Variants in FRMD4A observed in about 807,000 individuals in gnomAD.
The protein encoded by FRMD4A is FERM domain-containing protein 4A.
In FRMD4A, 29 loss-of-function variants were observed where a neutral mutation model predicts 129.1. The observed-to-expected ratio is 0.22, with a 90% CI of 0.17 to 0.31. The LOEUF (loss-of-function observed/expected upper bound fraction) is 0.31, where lower values mean the gene tolerates loss of function less well. Ranked by LOEUF, FRMD4A falls within the 10% of genes least tolerant of loss-of-function variation. The pLI is 1.00. For synonymous variants in FRMD4A, 634 were observed against 571.6 expected (o/e 1.11, Z -1.56); for missense variants, 1,272 against 1,375.8 (o/e 0.92, Z 1.19).
At chr10:14,128,088 CTTTCTTTCTTTCTTTCT>C (rs1439404620) in intron 2 of FRMD4A, among the ~76,000 whole-genome samples, 7 of 89,914 alleles carry the variant, frequency 7.8e-5, no homozygotes, top group East Asian at 3.4e-4. Context: ...TTCTTTCTTT[CTTTCTTTCTTTCTTTCT>C]TTTCTTTTCT....
intron 2 of FRMD4A, among the ~76,000 whole-genome samples, chr10:14,205,427 T>C (rs935554218): frequency 6.6e-6 from 1 of 152,172 alleles, no homozygotes. Flanking sequence ...GCTGATAGGA[T>C]GCCTAACCAG....
intron 2 of FRMD4A, among the ~76,000 whole-genome samples, chr10:13,994,175 A>ATTTTTTT (rs549621959): frequency 2.0e-5 from 2 of 101,974 alleles, no homozygotes; most frequent in Non-Finnish European, 3.8e-5. Flanking sequence ...CGCCCAGCTA[A>ATTTTTTT]TTTTTTTTTT....
chr10:13,829,806 A>G (rs1041226038), intron 3 of FRMD4A, among the ~76,000 whole-genome samples: 1 of 152,196 alleles, frequency 6.6e-6, no homozygotes, highest in Non-Finnish European at 1.5e-5. Flanking sequence ...GAGCCAGGAG[A>G]AAGGCATGGA....
chr10:14,307,929 A>G (rs1317307680), intron 2 of FRMD4A, among the ~76,000 whole-genome samples: 2 of 152,130 alleles, frequency 1.3e-5, no homozygotes, highest in East Asian at 3.9e-4. Flanking sequence ...CTACCTTCTC[A>G]TTCTTTTCCT....
intron 12 of FRMD4A, chr10:13,710,510 C>A (rs60697529): frequency 3.3e-5 from 5 of 152,480 alleles, no homozygotes; most frequent in Middle Eastern, 3.4e-3. Context: ...CCCTTGGCTG[C>A]GAACCATGGA....
At chr10:14,231,814 A>T (rs1843649982) in intron 2 of FRMD4A, among the ~76,000 whole-genome samples, 1 of 152,142 alleles carries the variant, frequency 6.6e-6, no homozygotes, top group Admixed American at 6.5e-5. Context: ...CATTTCTTAT[A>T]GATGCTCGAT....
intron 3 of FRMD4A, among the ~76,000 whole-genome samples, chr10:13,843,751 G>C (rs2094004169): frequency 1.3e-5 from 2 of 152,144 alleles, no homozygotes; most frequent in African/African-American, 4.8e-5. Flanking sequence ...ACCTGTCTCA[G>C]CCTCCCAAAG....
chr10:14,125,040 T>C (rs1208235211), intron 2 of FRMD4A, among the ~76,000 whole-genome samples: 1 of 152,188 alleles, frequency 6.6e-6, no homozygotes, highest in Non-Finnish European at 1.5e-5. Flanking sequence ...GTTTTCTAGC[T>C]TCCCCTTTAC....
intron 3 of FRMD4A, among the ~76,000 whole-genome samples, chr10:13,822,446 T>C (rs2093643549): frequency 6.6e-6 from 1 of 152,210 alleles, no homozygotes; most frequent in African/African-American, 2.4e-5. Context: ...GGGATCACAT[T>C]TGATCGACAT....
intron 2 of FRMD4A, among the ~76,000 whole-genome samples, chr10:14,191,806 TCTC>T (rs1265195882): frequency 3.0e-4 from 11 of 36,448 alleles, no homozygotes; most frequent in Non-Finnish European, 6.0e-4. Flanking sequence ...TTTTTTTTTT[TCTC>T]TCTCTCTCTC....
At chr10:13,685,971 A>AAC (rs1423136811) in intron 15 of FRMD4A, among the ~76,000 whole-genome samples, 2 of 152,028 alleles carry the variant, frequency 1.3e-5, no homozygotes, top group South Asian at 2.1e-4. Context: ...AGAAAGGGAT[A>AAC]ACGACTCTGT....
rs79420510 is a variant in FRMD4A, at chr10:14,058,792, T to C, written c.46-199880A>G. On this transcript the variant is annotated intron_variant, in intron 2 of 24. Coordinates refer to ENST00000357447, the MANE Select transcript of FRMD4A (RefSeq NM_018027.5). ...GACTACAGGGTCTCCAAAGAGCTGA[T>C]TGGCTGGGCATGATTACACATATCC... Among the ~76,000 whole-genome samples, 1,320 of 152,198 alleles carry C rather than the reference T, an allele frequency of 8.7e-3. 63 individuals carry two copies. In the East Asian group the frequency reaches 0.13, roughly 15 times the overall value.
chr10:13,761,882 T>C lies in FRMD4A; in HGVS notation c.442-213A>G, dbSNP rs562411357. On this transcript the variant is annotated intron_variant, in intron 7 of 24. Transcript: ENST00000357447. ...TATGAAACTAAACTCTAGAAACTTA[T>C]ATACAAAGTAAGTGATTCATAATGA... is the stretch of plus-strand genomic sequence containing the variant. 2.3e-3 allele frequency among the ~76,000 whole-genome samples: 357 copies of C among 152,364 alleles called. 1 individual carries two copies. The highest frequency in any genetic ancestry group is 8.2e-3 in the African/African-American group (341 of 41,584).
chr10:14,261,792 T>A (rs1444950263), intron 2 of FRMD4A, among the ~76,000 whole-genome samples: 1 of 152,140 alleles, frequency 6.6e-6, no homozygotes, highest in African/African-American at 2.4e-5. Flanking sequence ...GGGATCGTTT[T>A]TTCCTCCTAA....
intron 2 of FRMD4A, among the ~76,000 whole-genome samples, chr10:13,924,375 C>T (rs1465580316): frequency 6.6e-6 from 1 of 151,664 alleles, no homozygotes; most frequent in Non-Finnish European, 1.5e-5. Flanking sequence ...CTCCTTTCTA[C>T]CCCATCTTAT....
chr10:14,261,941 AACACACACACACACACACACACACAC>A (rs55763234), intron 2 of FRMD4A, among the ~76,000 whole-genome samples: 129 of 128,320 alleles, frequency 1.0e-3, no homozygotes, highest in Non-Finnish European at 1.8e-3. Context: ...CACCACACCA[AACACACACACACACACACACACACAC>A]ACACACACAC....
At chr10:14,203,558 A>G (rs1156595528) in intron 2 of FRMD4A, among the ~76,000 whole-genome samples, 2 of 152,344 alleles carry the variant, frequency 1.3e-5, no homozygotes, top group South Asian at 2.1e-4. Context: ...TAATAAACCT[A>G]AAGAACAGAC....
chr10:13,711,322 A>G (rs557859404), intron 12 of FRMD4A, among the ~76,000 whole-genome samples: 200 of 152,340 alleles, frequency 1.3e-3, no homozygotes, highest in Middle Eastern at 3.4e-3. Context: ...CAACAATCAA[A>G]TCAACAAACA....
Position 14,012,902 on chromosome 10 carries a change from C to A in FRMD4A, c.46-153990G>T, listed in dbSNP as rs1173084590. Among the ~76,000 whole-genome samples the A allele has an allele frequency of 2.0e-5, 3 of 152,160 alleles. No individual in the cohort carries two copies. In the South Asian group the frequency reaches 6.2e-4, roughly 32 times the overall value. On this transcript the variant is annotated intron_variant, in intron 2 of 24. Coordinates refer to ENST00000357447, the MANE Select transcript of FRMD4A (RefSeq NM_018027.5). ...TGCTGGCACTAAATAAACTCATTTT[C>A]ATTGCTTTATTTTGTTCATTTGGCA...
Sources: allele counts gnomAD v4.1 joint callset (sites outside exome capture counted in the v4.1 genomes callset), GRCh38; gene constraint gnomAD v4.1.1; transcripts MANE v1.5; gene names NCBI Gene and HGNC (gene_info 2026-07-23, HGNC 2026-07-21).